Variants in ALPK2 observed in about 807,000 individuals in gnomAD.
The protein encoded by ALPK2 is alpha-protein kinase 2.
Under a neutral mutation model 163.1 loss-of-function variants are expected in ALPK2, and 127 were observed. The ratio of observed to expected loss-of-function variants is 0.78; its 90% CI spans 0.67 to 0.90. The LOEUF is 0.90. Among genes scored for constraint, ALPK2 ranks in the 40% least tolerant of loss-of-function variants. ALPK2 has a pLI of 0.00. For missense variants in ALPK2, 2,360 were observed against 2,589.6 expected, an observed-to-expected ratio of 0.91 and a Z score of 1.92; for synonymous variants, 953 against 959.1, an observed-to-expected ratio of 0.99 and a Z score of 0.12.
Position 58,502,134 on chromosome 18 carries a change from C to CCACACACACACA in ALPK2, c.6247+1785_6247+1796dup, listed in dbSNP as rs71173056. 1.7e-4 allele frequency among the ~76,000 whole-genome samples: 20 copies of CCACACACACACA among 118,830 alleles called. 1 individual carries two copies. Among genetic ancestry groups the CCACACACACACA allele is most frequent in the African/African-American group, 5.0e-4 (15 of 29,712 alleles). The allele number at this position is 118,830 out of a possible 152,430, so 78.0% of individuals were successfully genotyped here. On this transcript the variant is annotated intron_variant, in intron 11 of 12. Transcript: ENST00000361673. ...TGAGCAACAAAGTGAAACCCCATCT[C>CCACACACACACA]CACACACACACACACACACACACAC... is the stretch of plus-strand genomic sequence containing the variant.
At chr18:58,628,185 TA>T (rs1733777200) in intron 1 of ALPK2, among the ~76,000 whole-genome samples, 1 of 152,226 alleles carries the variant, frequency 6.6e-6, no homozygotes, top group Non-Finnish European at 1.5e-5. Flanking sequence ...AACAACTCGA[TA>T]AATGTTTACA....
intron 2 of ALPK2, among the ~76,000 whole-genome samples, chr18:58,609,291 T>C (rs1394337901): frequency 6.6e-6 from 1 of 152,208 alleles, no homozygotes; most frequent in African/African-American, 2.4e-5. Context: ...TGGCTGAGCC[T>C]CTTACAGGCA....
rs536761356 is a variant in ALPK2 at position 58,516,079 on chromosome 18, C to T, written c.5940+829G>A. Among the ~76,000 whole-genome samples, 7 of 152,008 alleles carry T rather than the reference C, an allele frequency of 4.6e-5. No individual in the cohort carries two copies. The East Asian group carries it at 7.7e-4, about 17-fold the overall frequency. ...AAAAAAAAAATAAAAATTAGTTGGG[C>T]GTGATGGCATGCGCCTGTAGTCCTA... On this transcript the variant is annotated intron_variant, in intron 9 of 12. Coordinates refer to ENST00000361673, the MANE Select transcript of ALPK2 (RefSeq NM_052947.4).
chr18:58,598,100 C>G (rs1453528607), intron 3 of ALPK2, among the ~76,000 whole-genome samples: 1 of 152,270 alleles, frequency 6.6e-6, no homozygotes, highest in African/African-American at 2.4e-5. Flanking sequence ...CTGACTATGA[C>G]AGGCAGGGTC....
At chr18:58,594,733 C>G (rs1029808739) in intron 3 of ALPK2, among the ~76,000 whole-genome samples, 5 of 152,192 alleles carry the variant, frequency 3.3e-5, no homozygotes, top group Admixed American at 3.3e-4. Context: ...TGCAAAAATC[C>G]TGGAGTCCGT....
chr18:58,581,785 G>A (rs1380580194), intron 3 of ALPK2, among the ~76,000 whole-genome samples: 1 of 152,198 alleles, frequency 6.6e-6, no homozygotes, highest in African/African-American at 2.4e-5. Context: ...TAGAAGGCAG[G>A]AGCTGTGGGT....
At position 58,577,790 on chromosome 18, in the gene ALPK2, T is replaced by C. The variant is rs148558570; in HGVS notation, c.1962+1024A>G. ...GACTGGGTCTATAGAAATTCATGTG[T>C]CAATTTTTAATATTTTCACAGAGTT... On this transcript the variant is annotated intron_variant, in intron 4 of 12. Transcript: ENST00000361673. Among the ~76,000 whole-genome samples the C allele has an allele frequency of 3.3e-4, 50 of 152,366 alleles. 1 individual carries two copies. In the East Asian group the frequency reaches 8.5e-3, roughly 26 times the overall value.
At chr18:58,512,088 C>T (rs535017629) in intron 10 of ALPK2, 11 of 152,256 alleles carry the variant, frequency 7.2e-5, no homozygotes, top group Non-Finnish European at 1.5e-4. Flanking sequence ...AGCCGCCAAG[C>T]CACCCTCTGT....
At chr18:58,508,452 G>C (rs1383019496) in intron 10 of ALPK2, among the ~76,000 whole-genome samples, 2 of 152,200 alleles carry the variant, frequency 1.3e-5, no homozygotes, top group Non-Finnish European at 2.9e-5. Flanking sequence ...GCACAGGATA[G>C]ATAGGAGGTT....
intron 12 of ALPK2, among the ~76,000 whole-genome samples, chr18:58,487,353 G>A (rs113416571): frequency 1.6e-4 from 24 of 152,210 alleles, no homozygotes; most frequent in African/African-American, 5.3e-4. Context: ...CAGCAAACCC[G>A]GAAGCCAGAG....
At chr18:58,605,884 A>G (rs1237126171) in intron 3 of ALPK2, among the ~76,000 whole-genome samples, 1 of 152,216 alleles carries the variant, frequency 6.6e-6, no homozygotes. Flanking sequence ...AAGGGTGTGG[A>G]CAATGTTTGT....
At chr18:58,598,170 C>T (rs1482543480) in intron 3 of ALPK2, among the ~76,000 whole-genome samples, 1 of 152,262 alleles carries the variant, frequency 6.6e-6, no homozygotes, top group African/African-American at 2.4e-5. Context: ...CACCCATTCT[C>T]AGGTTCACCT....
At chr18:58,497,833 T>C (rs1379426054) in intron 12 of ALPK2, among the ~76,000 whole-genome samples, 1 of 152,212 alleles carries the variant, frequency 6.6e-6, no homozygotes, top group East Asian at 1.9e-4. Context: ...AGAGTTCTCA[T>C]TTGTTTCAAA....
chr18:58,606,597 A>T (rs2052098876), intron 3 of ALPK2, among the ~76,000 whole-genome samples: 1 of 152,126 alleles, frequency 6.6e-6, no homozygotes, highest in South Asian at 2.1e-4. Context: ...GTCTTTTTTT[A>T]AATCTCAGAC....
At chr18:58,503,906 G>A (rs1366567497) in intron 11 of ALPK2, 25 bp downstream of exon 11, 3 of 1,597,314 alleles carry the variant, frequency 1.9e-6, no homozygotes, top group Non-Finnish European at 2.6e-6. Context: ...CATCCCTGGA[G>A]CCTGGGCTAA....
intron 8 of ALPK2, among the ~76,000 whole-genome samples, chr18:58,521,663 G>C (rs1047321822): frequency 4.2e-5 from 3 of 71,346 alleles, no homozygotes; most frequent in Non-Finnish European, 8.6e-5. Context: ...GAGTCTTGCT[G>C]TGTCGCCAGG....
chr18:58,591,727 T>C (rs1239378159), intron 3 of ALPK2, among the ~76,000 whole-genome samples: 2 of 152,158 alleles, frequency 1.3e-5, no homozygotes, highest in African/African-American at 4.8e-5. Flanking sequence ...CAGGAAACAA[T>C]AAGCCATTTT....
intron 4 of ALPK2, among the ~76,000 whole-genome samples, chr18:58,552,441 T>C (rs923919762): frequency 1.3e-5 from 2 of 152,150 alleles, no homozygotes; most frequent in Non-Finnish European, 2.9e-5. Context: ...AATGACTATA[T>C]GTAAAGGCTA....
chr18:58,517,290 G>C, intron 8 of ALPK2, 108 bp from the exon 9 acceptor site: 1 of 1,164,750 alleles, frequency 8.6e-7, no homozygotes, highest in Non-Finnish European at 1.2e-6. Context: ...AGGCTGACCT[G>C]CAGAACCAAG....
Sources: gnomAD v4.1 joint callset for allele counts (sites outside exome capture counted in the v4.1 genomes callset) on GRCh38, gnomAD v4.1.1 for gene constraint, MANE v1.5 for transcripts, NCBI Gene and HGNC (gene_info 2026-07-23, HGNC 2026-07-21) for gene names.